The following NPM1 variants were observed in gnomAD, a reference collection of about 807,000 sequenced individuals.
NPM1 encodes nucleophosmin.
Under a neutral mutation model 44.1 loss-of-function variants are expected in NPM1, and 1 was observed. The ratio of observed to expected loss-of-function variants is 0.02; its 90% CI spans 0.01 to 0.11. NPM1 has a LOEUF of 0.11. NPM1 is among the 10% of genes least tolerant of loss of function. NPM1 has a pLI of 1.00. For missense variants in NPM1, 197 were observed against 347.8 expected (o/e 0.57, Z 3.45); for synonymous variants, 126 against 111.8 (o/e 1.13, Z -0.80).
In NPM1 at chr5:171,395,188, T is replaced by C. The variant is rs28459329; in HGVS notation, c.524+2210T>C. ...GAGGGAGACTCCCATCTCAGAAAAA[T>C]GGGTATAAATTCATGATGTAACCAC... is the stretch of plus-strand genomic sequence containing the variant. On this transcript the variant is annotated intron_variant, in intron 6 of 10. Transcript: ENST00000296930. Among the ~76,000 whole-genome samples, 577 of 152,136 alleles carry C rather than the reference T, an allele frequency of 3.8e-3. 3 individuals carry two copies. Among genetic ancestry groups the C allele is most frequent in the African/African-American group, 0.011 (463 of 41,516 alleles).
At chr5:171,410,461 T>G in intron 10 of NPM1, 66 bp from the exon 11 acceptor site, 1 of 981,480 alleles carries the variant, frequency 1.0e-6, no homozygotes, top group Non-Finnish European at 1.5e-6. Context: ...CAAAGAGACA[T>G]TTAATTTATT....
At chr5:171,391,497 A>G in intron 3 of NPM1, 73 bp downstream of exon 3, 1 of 1,568,174 alleles carries the variant, frequency 6.4e-7, no homozygotes, top group Non-Finnish European at 8.7e-7. Context: ...GGTGTCATTT[A>G]GTTGTGCCAA....
Position 171,387,866 on chromosome 5 carries a change from C to G in NPM1, c.-83C>G, listed in dbSNP as rs1433254539. ...CCTGCGTCCTTTCCCTGGTGTGATT[C>G]CGTCCTGCGCGGTTGTTCTCTGGAG... On this transcript the variant is annotated 5_prime_UTR_variant, in exon 1 of 11. Transcript: ENST00000296930. The G allele has an allele frequency of 3.1e-6, 4 of 1,293,178 alleles. No individual in the cohort carries two copies. The highest frequency in any genetic ancestry group is 1.7e-5 in the Admixed American group (1 of 57,188). 80.1% of individuals were successfully genotyped at this position (1,293,178 alleles called of 1,614,324 possible).
At chr5:171,390,922 C>T (rs1770544720) in intron 2 of NPM1, among the ~76,000 whole-genome samples, 1 of 140,120 alleles carries the variant, frequency 7.1e-6, no homozygotes, top group African/African-American at 2.5e-5. Context: ...GAGGTTGTTA[C>T]CATGTTGTCC....
chr5:171,393,612 G>A (rs1770710927), intron 6 of NPM1, among the ~76,000 whole-genome samples: 1 of 138,572 alleles, frequency 7.2e-6, no homozygotes. Flanking sequence ...GCCAGTACCA[G>A]TAATGCATTG....
chr5:171,410,076 G>A (rs1314205777), intron 10 of NPM1, among the ~76,000 whole-genome samples: 2 of 151,878 alleles, frequency 1.3e-5, no homozygotes, highest in East Asian at 3.9e-4. Context: ...GATTACAGGC[G>A]TGAGCCACCA....
At chr5:171,392,094 C>G (rs930484715) in intron 4 of NPM1, among the ~76,000 whole-genome samples, 1 of 152,086 alleles carries the variant, frequency 6.6e-6, no homozygotes, top group African/African-American at 2.4e-5. Flanking sequence ...CGTGCACCAC[C>G]AAGTCCAGTT....
intron 6 of NPM1, among the ~76,000 whole-genome samples, chr5:171,395,536 G>A (rs1473537185): frequency 6.6e-6 from 1 of 152,090 alleles, no homozygotes; most frequent in Non-Finnish European, 1.5e-5. Flanking sequence ...CAAAGTGCTG[G>A]GATTACAGGC....
chr5:171,404,235 A>ACC (rs1232572364), intron 8 of NPM1, among the ~76,000 whole-genome samples: 3 of 68,802 alleles, frequency 4.4e-5, no homozygotes, highest in South Asian at 6.6e-4. Context: ...CGGGGGGTTG[A>ACC]CCCCCCCCCA....
intron 10 of NPM1, among the ~76,000 whole-genome samples, chr5:171,408,099 A>G (rs1771660570): frequency 6.7e-6 from 1 of 148,790 alleles, no homozygotes; most frequent in Non-Finnish European, 1.5e-5. Context: ...GTTCCATTTG[A>G]CTGCTTGGGG....
chr5:171,387,557 G>A, upstream of NPM1: 1 of 233,608 alleles, frequency 4.3e-6, no homozygotes, highest in Non-Finnish European at 8.4e-6. Flanking sequence ...GGGAGAGGAC[G>A]TGGAAGGGTT....
intron 1 of NPM1, among the ~76,000 whole-genome samples, chr5:171,388,691 T>C (rs1770408637): frequency 6.6e-6 from 1 of 152,186 alleles, no homozygotes. Context: ...GTGGGAAATG[T>C]TAAGAGGCTG....
chr5:171,388,906 A>T (rs1232117471), intron 1 of NPM1, among the ~76,000 whole-genome samples: 1 of 152,202 alleles, frequency 6.6e-6, no homozygotes, highest in African/African-American at 2.4e-5. Flanking sequence ...AATCTAAACC[A>T]AGACGCTTGA....
chr5:171,387,706 A>G (rs1770290997), upstream of NPM1: 1 of 548,710 alleles, frequency 1.8e-6, no homozygotes, highest in South Asian at 2.3e-5. Context: ...GGCGAGGTAG[A>G]AAGGAGTGGG....
chr5:171,403,453 A>C (rs1581254341), intron 8 of NPM1, among the ~76,000 whole-genome samples: 1 of 116,320 alleles, frequency 8.6e-6, no homozygotes, highest in African/African-American at 3.2e-5. Context: ...TCTTTTCCCC[A>C]CCTTTCCTGC....
chr5:171,404,335 C>T (rs1166947158), intron 8 of NPM1, among the ~76,000 whole-genome samples: 1 of 84,378 alleles, frequency 1.2e-5, no homozygotes, highest in Non-Finnish European at 2.4e-5. Context: ...CCTCACTTCT[C>T]AGACGGGGCA....
intron 9 of NPM1, chr5:171,406,727 A>G: frequency 8.7e-7 from 1 of 1,153,204 alleles, no homozygotes; most frequent in African/African-American, 1.6e-5. Flanking sequence ...GAATGCATCA[A>G]TTAAGAATGT....
intron 1 of NPM1, among the ~76,000 whole-genome samples, chr5:171,388,872 C>T (rs954928435): frequency 1.3e-5 from 2 of 152,170 alleles, no homozygotes; most frequent in African/African-American, 4.8e-5. Context: ...GAAGGTTGTA[C>T]TTAGTAAAGG....
In NPM1 at chr5:171,392,934, T is replaced by C; in HGVS notation, c.480T>C (p.Ala160=). ...AAAAGAAAAAAGTAAAACTTGCTGC[T>C]GATGAAGATGATGACGATGATGATG... ...KVPQKKVKLA[A]DEDDDDDDEE... The change falls in exon 6 of 11, where the codon GCT becomes GCC. Residue 160 remains alanine, a synonymous_variant. Transcript: ENST00000296930. The C allele has an allele frequency of 6.2e-7, 1 of 1,610,192 alleles. No homozygotes were observed. The highest frequency in any genetic ancestry group is 1.1e-5 in the South Asian group (1 of 90,936).
Sources: gnomAD v4.1 joint callset for allele counts (sites outside exome capture counted in the v4.1 genomes callset) on GRCh38, gnomAD v4.1.1 for gene constraint, MANE v1.5 for transcripts, NCBI Gene and HGNC (gene_info 2026-07-23, HGNC 2026-07-21) for gene names.